The following PRR5 variants were observed in gnomAD, a reference collection of about 807,000 sequenced individuals.
The protein encoded by PRR5 is proline rich 5, also known as proline-rich protein 5.
Under a neutral mutation model 30.6 loss-of-function variants are expected in PRR5, and 25 were observed. The observed-to-expected ratio is 0.82, with a 90% CI of 0.60 to 1.14. The LOEUF (loss-of-function observed/expected upper bound fraction) is 1.14, where lower values mean the gene tolerates loss of function less well. PRR5 is among the 50% of genes most tolerant of loss of function. The probability of loss-of-function intolerance (pLI) is 0.00; values close to 1 mark genes in which losing one functional copy is unlikely to be tolerated. For synonymous variants in PRR5, 286 were observed against 247.1 expected, an observed-to-expected ratio of 1.16 and a Z score of -1.48; for missense variants, 600 against 547.1, an observed-to-expected ratio of 1.10 and a Z score of -0.96.
At chr22:44,708,621 C>T (rs1225622306) in intron 1 of PRR5, among the ~76,000 whole-genome samples, 1 of 152,140 alleles carries the variant, frequency 6.6e-6, no homozygotes, top group Non-Finnish European at 1.5e-5. Context: ...CCACAGTAAC[C>T]TTTAAGGTGA....
upstream of PRR5, among the ~76,000 whole-genome samples, chr22:44,698,890 TC>T (rs1216809631): frequency 6.6e-6 from 1 of 152,198 alleles, no homozygotes; most frequent in East Asian, 1.9e-4. Flanking sequence ...GACAGCTCTG[TC>T]CCCTTGTGGC....
chr22:44,683,441 A>G (rs1205765794), intron 1 of PRR5, among the ~76,000 whole-genome samples: 1 of 152,070 alleles, frequency 6.6e-6, no homozygotes, highest in African/African-American at 2.4e-5. Context: ...ACCCAGAACC[A>G]CAAGACAGAG....
chr22:44,690,762 G>C (rs946499571), intron 1 of PRR5, among the ~76,000 whole-genome samples: 3 of 152,200 alleles, frequency 2.0e-5, no homozygotes, highest in African/African-American at 7.2e-5. Context: ...AGGATGAGGA[G>C]CAGGGCACCC....
intron 1 of PRR5, among the ~76,000 whole-genome samples, chr22:44,711,081 A>C (rs1442934344): frequency 6.6e-6 from 1 of 152,072 alleles, no homozygotes; most frequent in East Asian, 1.9e-4. Flanking sequence ...GGGTGGGAGA[A>C]CACCCAGGGC....
chr22:44,712,435 C>T (rs1403649872), intron 1 of PRR5, among the ~76,000 whole-genome samples: 2 of 152,172 alleles, frequency 1.3e-5, no homozygotes, highest in South Asian at 2.1e-4. Flanking sequence ...CCCTGCCCTG[C>T]GCCAGCGAGG....
Position 44,736,892 on chromosome 22 carries a change from C to G in PRR5, c.812C>G (p.Ala271Gly), listed in dbSNP as rs375688714. 2.7e-5 allele frequency: 43 copies of G among 1,608,628 alleles called. No individual in the cohort carries two copies. Among genetic ancestry groups the G allele is most frequent in the Non-Finnish European group, 3.5e-5 (41 of 1,178,602 alleles). The change falls in exon 8 of 8, where the codon GCG (alanine) becomes GGG (glycine). Residue 271 changes from alanine to glycine, a missense_variant. Coordinates refer to ENST00000336985, the MANE Select transcript of PRR5 (RefSeq NM_181333.4). ...GTGCAGGAGCACGAGGCGGAGGGCG[C>G]GGCGGCCGGCGGTACCAGCATCCGC... ...NPVQEHEAEGAAAGGTSIRRH... is the reference protein window; with the variant it reads ...NPVQEHEAEGGAAGGTSIRRH...
chr22:44,722,915 A>G (rs1930152161), intron 2 of PRR5, among the ~76,000 whole-genome samples: 1 of 152,078 alleles, frequency 6.6e-6, no homozygotes, highest in African/African-American at 2.4e-5. Flanking sequence ...CAAAATGACT[A>G]CACATTGAAA....
intron 4 of PRR5, among the ~76,000 whole-genome samples, chr22:44,729,062 G>A (rs937036965): frequency 5.3e-5 from 8 of 152,176 alleles, no homozygotes; most frequent in African/African-American, 1.9e-4. Flanking sequence ...GGGAACTCTG[G>A]GCGGGAGCTC....
At chr22:44,700,331 G>A (rs529226983), upstream of PRR5, among the ~76,000 whole-genome samples, 1 of 152,234 alleles carries the variant, frequency 6.6e-6, no homozygotes, top group African/African-American at 2.4e-5. Context: ...CAGGCGTGGT[G>A]GTAGGTGCCT....
At chr22:44,689,529 C>G (rs1925054318) in intron 1 of PRR5, among the ~76,000 whole-genome samples, 1 of 152,214 alleles carries the variant, frequency 6.6e-6, no homozygotes, top group Non-Finnish European at 1.5e-5. Context: ...CAAGTGTGTT[C>G]AAGGACTGAG....
At chr22:44,731,852 C>T (rs1229147683) in intron 5 of PRR5, 31 bp downstream of exon 5, 6 of 1,601,546 alleles carry the variant, frequency 3.7e-6, no homozygotes, top group South Asian at 1.1e-5. Flanking sequence ...GAGGGAAGCC[C>T]AGTGCCCCTG....
In PRR5 at chr22:44,737,530, C is replaced by T. The variant is rs374189533; in HGVS notation, c.*283C>T. 47 of 496,298 alleles carry T rather than the reference C, an allele frequency of 9.5e-5. No individual in the cohort carries two copies. In the East Asian group the frequency reaches 1.6e-3, roughly 17 times the overall value. The allele number at this position is 496,298 out of a possible 1,614,324, so 30.7% of individuals were successfully genotyped here. A position where few individuals can be genotyped will look rare whatever the true frequency, so the allele number is the denominator to read the frequency against. ...CTCCCACGCTCCTCCTGCCCCAGCC[C>T]TCTGGTGTCCACACCTGCCCACAGA... On this transcript the variant is annotated 3_prime_UTR_variant, in exon 8 of 8. Coordinates refer to ENST00000336985, the MANE Select transcript of PRR5 (RefSeq NM_181333.4).
At chr22:44,725,406 C>A in intron 3 of PRR5, 114 bp downstream of exon 3, 1 of 1,460,528 alleles carries the variant, frequency 6.8e-7, no homozygotes, top group Non-Finnish European at 9.4e-7. Context: ...TGTCTGCCTG[C>A]AGTTCCAAGG....
At chr22:44,697,316 T>C (rs1233177919), upstream of PRR5, among the ~76,000 whole-genome samples, 3 of 152,076 alleles carry the variant, frequency 2.0e-5, no homozygotes, top group Non-Finnish European at 2.9e-5. Flanking sequence ...CTGGCGGCGG[T>C]CACCAAGCCC....
At chr22:44,699,934 G>GTT (rs11309122), upstream of PRR5, among the ~76,000 whole-genome samples, 5 of 148,938 alleles carry the variant, frequency 3.4e-5, no homozygotes, top group African/African-American at 5.0e-5. Flanking sequence ...TGTTGTTTTT[G>GTT]TTTTTTTTTT....
intron 1 of PRR5, among the ~76,000 whole-genome samples, chr22:44,683,354 C>T (rs1242531750): frequency 1.3e-5 from 2 of 152,224 alleles, no homozygotes; most frequent in Non-Finnish European, 2.9e-5. Flanking sequence ...TAGCCACCCA[C>T]CTTGAGGGCC....
At chr22:44,710,205 G>A in intron 1 of PRR5, among the ~76,000 whole-genome samples, 1 of 152,114 alleles carries the variant, frequency 6.6e-6, no homozygotes. Context: ...TTCAGCCCAA[G>A]CCCCAGTGGC....
At chr22:44,673,426 T>G (rs947280616), upstream of PRR5, among the ~76,000 whole-genome samples, 9 of 152,266 alleles carry the variant, frequency 5.9e-5, no homozygotes, top group African/African-American at 2.2e-4. Flanking sequence ...GAAGTTTACC[T>G]ACTTGCCCTC....
At chr22:44,724,013 C>T (rs73889710) in intron 2 of PRR5, among the ~76,000 whole-genome samples, 2 of 152,246 alleles carry the variant, frequency 1.3e-5, no homozygotes, top group African/African-American at 4.8e-5. Context: ...TTGTACACAT[C>T]TGTTATCTAC....
Sources: allele counts gnomAD v4.1 joint callset (sites outside exome capture counted in the v4.1 genomes callset), GRCh38; gene constraint gnomAD v4.1.1; transcripts MANE v1.5; gene names NCBI Gene and HGNC (gene_info 2026-07-23, HGNC 2026-07-21).